Variants in ARHGAP17 observed in about 807,000 individuals in gnomAD.
ARHGAP17 encodes rho GTPase-activating protein 17.
In ARHGAP17, 57 loss-of-function variants were observed where a neutral mutation model predicts 99.5. The ratio of observed to expected loss-of-function variants is 0.57; its 90% CI spans 0.46 to 0.71. The LOEUF is 0.71. Ranked by LOEUF, ARHGAP17 falls within the 30% of genes least tolerant of loss-of-function variation. The pLI, the probability that ARHGAP17 is intolerant of heterozygous loss-of-function variation, is 0.00. For synonymous variants in ARHGAP17, 417 were observed against 429.6 expected (o/e 0.97, Z 0.36); for missense variants, 1,000 against 1,122.4 (o/e 0.89, Z 1.56).
intron 4 of ARHGAP17, 25 bp from the exon 5 acceptor site, chr16:24,968,797 C>T (rs528234910): frequency 2.4e-5 from 38 of 1,607,914 alleles, no homozygotes; most frequent in Middle Eastern, 1.7e-4. Flanking sequence ...CCCCCAACAA[C>T]GAGCACGTGC....
chr16:24,981,307 T>C (rs1234191367), intron 1 of ARHGAP17, among the ~76,000 whole-genome samples: 1 of 151,972 alleles, frequency 6.6e-6, no homozygotes, highest in African/African-American at 2.4e-5. Context: ...AAGTATTAAC[T>C]TCAGGAAAAA....
intron 3 of ARHGAP17, among the ~76,000 whole-genome samples, chr16:24,976,484 G>A (rs1182187479): frequency 6.6e-6 from 1 of 151,896 alleles, no homozygotes; most frequent in African/African-American, 2.4e-5. Flanking sequence ...AGCTGTGACT[G>A]TACTACCACA....
At chr16:24,952,854 ACTGAC>A in intron 11 of ARHGAP17, 72 bp downstream of exon 11, 3 of 1,374,792 alleles carry the variant, frequency 2.2e-6, no homozygotes, top group Non-Finnish European at 3.1e-6. Context: ...TTGGATTTTA[ACTGAC>A]CATCTGTCTG....
intron 1 of ARHGAP17, among the ~76,000 whole-genome samples, chr16:24,996,484 T>C (rs1363935243): frequency 2.0e-5 from 3 of 152,160 alleles, no homozygotes; most frequent in Non-Finnish European, 4.4e-5. Context: ...CTCTTAGTAA[T>C]GAGAACATCT....
At chr16:24,964,646 C>T (rs201879123) in intron 6 of ARHGAP17, among the ~76,000 whole-genome samples, 17 of 152,244 alleles carry the variant, frequency 1.1e-4, no homozygotes, top group African/African-American at 3.6e-4. Context: ...TCCCTGCCAC[C>T]GGAGGAGAGC....
intron 18 of ARHGAP17, among the ~76,000 whole-genome samples, chr16:24,932,847 C>T (rs527750442): frequency 6.6e-6 from 1 of 152,014 alleles, no homozygotes; most frequent in South Asian, 2.1e-4. Context: ...TCAAACTCTG[C>T]TAAGATCCTA....
At chr16:24,947,408 C>CATTCTATGCATTTCTATGCATTT (rs2051503880) in intron 14 of ARHGAP17, 74 bp downstream of exon 14, 8 of 1,308,068 alleles carry the variant, frequency 6.1e-6, no homozygotes, top group Middle Eastern at 4.1e-4. Flanking sequence ...GAATGTGTAA[C>CATTCTATGCATTTCTATGCATTT]CTGAGTTACA....
intron 1 of ARHGAP17, among the ~76,000 whole-genome samples, chr16:24,982,985 TATATA>T (rs1745071724): frequency 3.4e-5 from 1 of 29,724 alleles, no homozygotes; most frequent in African/African-American, 1.6e-4. Context: ...TATATATATA[TATATA>T]TATATATTTT....
rs1465006104 is a variant in ARHGAP17, at chr16:24,939,562, C to A, written c.1526G>T (p.Arg509Leu). 1 of 1,607,814 alleles carries A rather than the reference C, an allele frequency of 6.2e-7. No individual in the cohort carries two copies. The highest frequency in any genetic ancestry group is 2.2e-5 in the East Asian group (1 of 44,688). Reference protein sequence around the residue: ...GVKLMDFQAHRRGGTLNRKHI... With the variant: ...GVKLMDFQAHLRGGTLNRKHI... ...CTTTCTATTTAGAGTGCCACCCCGC[C>A]GGTGGGCCTGGAAGTCCATAAGCTT... Residue 509 changes from arginine (R) to leucine (L), a missense_variant, in exon 17 of 20, where the codon CGG (arginine) becomes CTG (leucine). Coordinates refer to ENST00000289968, the MANE Select transcript of ARHGAP17 (RefSeq NM_001006634.3).
Position 24,959,911 on chromosome 16 carries a change from C to G in ARHGAP17, c.642G>C (p.Thr214=). The G allele has an allele frequency of 6.2e-7, 1 of 1,613,862 alleles. No homozygotes were observed. The highest frequency in any genetic ancestry group is 1.3e-5 in the African/African-American group (1 of 74,984). ...CATTTTCTCAAGGGAAGGTGCTTAC[C>G]GTAACAAAGAATTTGCCATACTCCC... ...KEGEYGKFFV[T]LLEAQADYHR... Residue 214 remains threonine (T), a splice_region_variant and synonymous_variant, in exon 8 of 20, where the codon ACG becomes ACC. Coordinates refer to ENST00000289968, the MANE Select transcript of ARHGAP17 (RefSeq NM_001006634.3).
At chr16:24,920,552 G>C (rs1453728857) in intron 19 of ARHGAP17, 4 of 322,228 alleles carry the variant, frequency 1.2e-5, no homozygotes, top group Non-Finnish European at 2.4e-5. Context: ...ATGGAGGAAA[G>C]GAAGCCTCAT....
chr16:24,938,336 C>T (rs1229803625), intron 17 of ARHGAP17, among the ~76,000 whole-genome samples: 1 of 151,996 alleles, frequency 6.6e-6, no homozygotes, highest in Non-Finnish European at 1.5e-5. Flanking sequence ...TGCACTCCAG[C>T]CTAGGCGACA....
At chr16:24,925,430 CT>C (rs1235126912) in intron 19 of ARHGAP17, among the ~76,000 whole-genome samples, 8 of 152,118 alleles carry the variant, frequency 5.3e-5, no homozygotes, top group African/African-American at 1.9e-4. Flanking sequence ...ACCAATCTGG[CT>C]TTGATCCTCT....
chr16:24,965,641 T>C (rs1323598798), intron 6 of ARHGAP17, among the ~76,000 whole-genome samples: 2 of 152,198 alleles, frequency 1.3e-5, no homozygotes, highest in Admixed American at 6.5e-5. Context: ...CTGGAGATGC[T>C]ATATTGTGAA....
intron 1 of ARHGAP17, among the ~76,000 whole-genome samples, chr16:24,993,910 T>G (rs185533039): frequency 6.6e-6 from 1 of 152,174 alleles, no homozygotes; most frequent in Non-Finnish European, 1.5e-5. Flanking sequence ...TAGAACAAAA[T>G]AGCAAAGGAG....
At chr16:24,945,972 G>A (rs2051459896) in intron 14 of ARHGAP17, among the ~76,000 whole-genome samples, 1 of 152,148 alleles carries the variant, frequency 6.6e-6, no homozygotes, top group Non-Finnish European at 1.5e-5. Context: ...AAATGTCAAT[G>A]ATTCAACCTC....
intron 17 of ARHGAP17, 90 bp from the exon 18 acceptor site, chr16:24,935,729 A>C: frequency 7.2e-7 from 1 of 1,383,808 alleles, no homozygotes; most frequent in Non-Finnish European, 1.0e-6. Flanking sequence ...TTCCAAGCAG[A>C]GTTTTCACTT....
chr16:24,964,163 C>A, intron 7 of ARHGAP17, 34 bp downstream of exon 7: 1 of 1,445,508 alleles, frequency 6.9e-7, no homozygotes, highest in Non-Finnish European at 9.4e-7. Flanking sequence ...TTTGCAAAAA[C>A]CGAAAAGATA....
chr16:24,935,814 A>T, intron 17 of ARHGAP17, 175 bp from the exon 18 acceptor site: 2 of 708,344 alleles, frequency 2.8e-6, no homozygotes, highest in South Asian at 1.8e-5. Context: ...ACTTGGTGCC[A>T]TATAAAGAGC....
Sources: allele counts gnomAD v4.1 joint callset (sites outside exome capture counted in the v4.1 genomes callset), GRCh38; gene constraint gnomAD v4.1.1; transcripts MANE v1.5; gene names NCBI Gene and HGNC (gene_info 2026-07-23, HGNC 2026-07-21).